COL23A1: variants seen among roughly 807,000 people sequenced by gnomAD.
The protein encoded by COL23A1 is collagen type XXIII alpha 1 chain.
A neutral mutation model predicts 99.3 loss-of-function variants in COL23A1; 97 were observed. The observed-to-expected ratio is 0.98, with a 90% confidence interval of 0.83 to 1.16. The LOEUF (loss-of-function observed/expected upper bound fraction) is 1.16. COL23A1 is among the 50% of genes most tolerant of loss of function. The probability of loss-of-function intolerance (pLI) is 0.00; values close to 1 mark genes in which losing one functional copy is unlikely to be tolerated. For missense variants in COL23A1, 762 were observed against 757.4 expected (o/e 1.01, Z -0.07); for synonymous variants, 320 against 308.2 (o/e 1.04, Z -0.40).
chr5:178,257,963 G>C (rs965851386), intron 12 of COL23A1, among the ~76,000 whole-genome samples: 3 of 152,222 alleles, frequency 2.0e-5, no homozygotes, highest in African/African-American at 4.8e-5. Context: ...ACTCTGGTAG[G>C]TCAAGGCGGG....
intron 2 of COL23A1, among the ~76,000 whole-genome samples, chr5:178,543,911 G>A (rs1226967043): frequency 6.6e-6 from 1 of 152,086 alleles, no homozygotes; most frequent in African/African-American, 2.4e-5. Context: ...TGGTGAGGCC[G>A]TTTCCTGGTT....
chr5:178,272,750 AC>A (rs991794213), intron 5 of COL23A1, among the ~76,000 whole-genome samples: 1 of 146,328 alleles, frequency 6.8e-6, no homozygotes, highest in Non-Finnish European at 1.5e-5. Context: ...TTGTCCCCCT[AC>A]CCCCCGACCC....
chr5:178,248,177 C>T lies in COL23A1; in HGVS notation c.1212+15G>A, dbSNP rs764040908. On this transcript the variant is annotated intron_variant, in intron 20 of 28. Transcript: ENST00000390654. The stretch of plus-strand genomic sequence containing the variant: ...GGGTGTTGGGGGAAGCCCTGACCCC[C>T]CCATACCCCCTTACCAGGCTCTCCT... 2.9e-5 allele frequency: 45 copies of T among 1,561,676 alleles called. No individual in the cohort carries two copies. The highest frequency in any genetic ancestry group is 3.7e-5 in the Non-Finnish European group (42 of 1,137,960).
At chr5:178,355,957 T>C (rs1761626381) in intron 2 of COL23A1, among the ~76,000 whole-genome samples, 1 of 152,126 alleles carries the variant, frequency 6.6e-6, no homozygotes, top group Non-Finnish European at 1.5e-5. Context: ...TCTTACCTAT[T>C]AAAATTAATA....
chr5:178,498,273 TAA>T (rs1206240856), intron 2 of COL23A1, among the ~76,000 whole-genome samples: 1 of 93,084 alleles, frequency 1.1e-5, no homozygotes, highest in African/African-American at 4.4e-5. Context: ...AACTTAAAAA[TAA>T]AAAAATAAAA....
Position 178,474,669 on chromosome 5 carries a change from CATTTTT to C in COL23A1, c.361+86007_361+86012del, listed in dbSNP as rs1756935473. On this transcript the variant is annotated intron_variant, in intron 2 of 28. Coordinates refer to ENST00000390654, the MANE Select transcript of COL23A1 (RefSeq NM_173465.4). ...TAAATATTCATCGATTCACTCAGTA[CATTTTT>C]ATTGAGTCCTTTTTTCCAGGCACCA... 3.9e-5 allele frequency among the ~76,000 whole-genome samples: 6 copies of C among 152,182 alleles called. 1 individual carries two copies. The South Asian group carries it at 1.2e-3, about 31-fold the overall frequency.
rs563359863 is a variant in COL23A1 at position 178,316,092 on chromosome 5, T to C, written c.362-9173A>G. 1.7e-4 allele frequency among the ~76,000 whole-genome samples: 26 copies of C among 152,320 alleles called. No individual in the cohort carries two copies. The South Asian group carries it at 3.7e-3, about 22-fold the overall frequency. ...GAGGTATTTGTTTAAGCAGTTTAAATATAATTCTACTTAGAATCCAACTGG... is the reference window on the plus strand; with the variant it reads ...GAGGTATTTGTTTAAGCAGTTTAAACATAATTCTACTTAGAATCCAACTGG... On this transcript the variant is annotated intron_variant, in intron 2 of 28. Transcript: ENST00000390654.
chr5:178,504,479 C>T (rs1271468884), intron 2 of COL23A1, among the ~76,000 whole-genome samples: 2 of 152,084 alleles, frequency 1.3e-5, no homozygotes, highest in East Asian at 1.9e-4. Flanking sequence ...CCCTCGAGGT[C>T]CCTGCACAGG....
At position 178,517,568 on chromosome 5, in the gene COL23A1, G is replaced by GTCTTTTTTTTT. The variant is rs1759600537; in HGVS notation, c.361+43113_361+43114insAAAAAAAAAGA. On this transcript the variant is annotated intron_variant, in intron 2 of 28. Coordinates refer to ENST00000390654, the MANE Select transcript of COL23A1 (RefSeq NM_173465.4). ...TCTCGGTGACAGCAGTTTTTTTTTT[G>GTCTTTTTTTTT]TTTTTTTTTTTGAGATGGAGTCTCA... Among the ~76,000 whole-genome samples the GTCTTTTTTTTT allele has an allele frequency of 1.8e-5, 2 of 108,242 alleles. 1 individual carries two copies. Among genetic ancestry groups the GTCTTTTTTTTT allele is most frequent in the East Asian group, 5.9e-4 (2 of 3,362 alleles). 71.0% of individuals were successfully genotyped at this position (108,242 alleles called of 152,430 possible). A position where few individuals can be genotyped will look rare whatever the true frequency, so the allele number is the denominator to read the frequency against.
chr5:178,442,503 G>A (rs1393427648), intron 2 of COL23A1, among the ~76,000 whole-genome samples: 2 of 152,162 alleles, frequency 1.3e-5, no homozygotes, highest in Non-Finnish European at 2.9e-5. Context: ...AACATGATAG[G>A]CCCGAGCGTC....
intron 2 of COL23A1, among the ~76,000 whole-genome samples, chr5:178,496,734 CA>C (rs1281992056): frequency 1.3e-5 from 2 of 152,158 alleles, no homozygotes; most frequent in Non-Finnish European, 2.9e-5. Flanking sequence ...TGTTTTTAAT[CA>C]ATGACTGCTT....
chr5:178,276,399 A>G (rs552303598), intron 5 of COL23A1, among the ~76,000 whole-genome samples: 35 of 152,352 alleles, frequency 2.3e-4, no homozygotes, highest in Admixed American at 7.2e-4. Flanking sequence ...AGCCCTCAAA[A>G]TGCACTAGGA....
intron 2 of COL23A1, among the ~76,000 whole-genome samples, chr5:178,451,122 G>A (rs1581413964): frequency 6.6e-6 from 1 of 152,254 alleles, no homozygotes; most frequent in East Asian, 1.9e-4. Context: ...TGTTAAAAAA[G>A]TGGAAAAGAG....
Position 178,255,128 on chromosome 5 carries a change from A to G in COL23A1, c.883-102T>C, listed in dbSNP as rs1765234502. Reference sequence around the variant, plus strand: ...TCACATCCAGAGAGAAAGCAATGGAAGAGCCTCGTCACCCAGGCTGCACGC... The same window carrying G: ...TCACATCCAGAGAGAAAGCAATGGAGGAGCCTCGTCACCCAGGCTGCACGC... On this transcript the variant is annotated intron_variant, in intron 15 of 28. Transcript: ENST00000390654. This position sits in a 1 kb window ranked among gnomAD's most constrained non-coding sequence, Gnocchi z 4.2. 1.0e-6 allele frequency: 1 copy of G among 987,052 alleles called. No homozygotes were observed. Among genetic ancestry groups the G allele is most frequent in the South Asian group, 1.3e-5 (1 of 74,324 alleles). The allele number at this position is 987,052 out of a possible 1,614,324, so 61.1% of individuals were successfully genotyped here. A position where few individuals can be genotyped will look rare whatever the true frequency, so the allele number is the denominator to read the frequency against.
chr5:178,397,035 T>C (rs559004934), intron 2 of COL23A1, among the ~76,000 whole-genome samples: 1 of 152,290 alleles, frequency 6.6e-6, no homozygotes, highest in East Asian at 1.9e-4. Context: ...CCCCTCTGCG[T>C]GTCAGGAAGG....
chr5:178,560,838 A>G (rs1194232528), intron 1 of COL23A1, 90 bp from the exon 2 acceptor site: 2 of 1,286,062 alleles, frequency 1.6e-6, no homozygotes, highest in Non-Finnish European at 2.2e-6. Flanking sequence ...GCAAAAACAA[A>G]TGTATCTAAA....
chr5:178,579,989 T>A (rs541946691), intron 1 of COL23A1, among the ~76,000 whole-genome samples: 7 of 152,120 alleles, frequency 4.6e-5, no homozygotes, highest in Non-Finnish European at 8.8e-5. Flanking sequence ...GATCCCATCT[T>A]ACCCACGATA....
chr5:178,406,186 C>A (rs1390727000), intron 2 of COL23A1, among the ~76,000 whole-genome samples: 3 of 151,988 alleles, frequency 2.0e-5, no homozygotes, highest in African/African-American at 7.3e-5. Context: ...GGAGAAGTGT[C>A]CCATTTTTAA....
intron 2 of COL23A1, among the ~76,000 whole-genome samples, chr5:178,444,805 C>T (rs986696941): frequency 6.6e-6 from 1 of 152,036 alleles, no homozygotes; most frequent in African/African-American, 2.4e-5. Context: ...GAAAACAAAA[C>T]AAAACAAACA....
Sources: gnomAD v4.1 joint callset for allele counts (sites outside exome capture counted in the v4.1 genomes callset) on GRCh38, gnomAD v4.1.1 for gene constraint, Gnocchi (gnomAD v3.1) non-coding constraint, MANE v1.5 for transcripts, NCBI Gene and HGNC (gene_info 2026-07-23, HGNC 2026-07-21) for gene names.